MACROH2A1: variants seen among roughly 807,000 people sequenced by gnomAD.
MACROH2A1 encodes the protein core histone macro-H2A.1.
Under a neutral mutation model 31.6 loss-of-function variants are expected in MACROH2A1, and 2 were observed. That is an observed-to-expected ratio of 0.06 (90% confidence interval 0.03 to 0.20). MACROH2A1 has a LOEUF of 0.20. MACROH2A1 is among the 10% of genes least tolerant of loss of function. The pLI, the probability that MACROH2A1 is intolerant of heterozygous loss-of-function variation, is 1.00. For synonymous variants in MACROH2A1, 169 were observed against 189.6 expected (o/e 0.89, Z 0.89); for missense variants, 230 against 474.0 (o/e 0.49, Z 4.78).
Position 135,351,000 on chromosome 5 carries a change from G to A in MACROH2A1, c.688+1946C>T, listed in dbSNP as rs147084474. Reference sequence around the variant, plus strand: ...TTACTAATGCCCCAATGGCAGGGCTGGCCTACCTGGTCGATTCCAACATAT... The same window carrying A: ...TTACTAATGCCCCAATGGCAGGGCTAGCCTACCTGGTCGATTCCAACATAT... On this transcript the variant is annotated intron_variant, in intron 6 of 8. Coordinates refer to ENST00000511689, the MANE Select transcript of MACROH2A1 (RefSeq NM_138610.3). 397 of 874,452 alleles carry A rather than the reference G, an allele frequency of 4.5e-4. 4 individuals carry two copies. The African/African-American group carries it at 5.5e-3, about 12-fold the overall frequency. 54.2% of individuals were successfully genotyped at this position (874,452 alleles called of 1,614,324 possible). A position where few individuals can be genotyped will look rare whatever the true frequency, so the allele number is the denominator to read the frequency against.
At chr5:135,393,926 T>C (rs1041910565) in intron 1 of MACROH2A1, among the ~76,000 whole-genome samples, 2 of 152,202 alleles carry the variant, frequency 1.3e-5, no homozygotes, top group Non-Finnish European at 2.9e-5. Context: ...GATGGAGAGA[T>C]GAGTCAGGCT....
chr5:135,361,089 A>C, intron 4 of MACROH2A1: 1 of 275,134 alleles, frequency 3.6e-6, no homozygotes, highest in South Asian at 3.5e-5. Context: ...TCCTTCCTTA[A>C]AGCCAGTGTT....
At chr5:135,362,125 T>TA (rs1283140058) in intron 4 of MACROH2A1, 1 of 152,250 alleles carries the variant, frequency 6.6e-6, no homozygotes, top group Non-Finnish European at 1.5e-5. Flanking sequence ...AAAGGCTGCA[T>TA]AACAGACTTT....
At chr5:135,355,238 T>A in intron 5 of MACROH2A1, 2 of 456,052 alleles carry the variant, frequency 4.4e-6, no homozygotes, top group South Asian at 3.1e-5. Context: ...AAGGGAGCAG[T>A]TGCGAACAGA....
At chr5:135,341,346 G>T (rs931430855) in intron 8 of MACROH2A1, among the ~76,000 whole-genome samples, 4 of 118,020 alleles carry the variant, frequency 3.4e-5, no homozygotes, top group Non-Finnish European at 6.8e-5. Flanking sequence ...GGCCAGGGAA[G>T]GGGGAGGCAA....
rs554945747 is a variant in MACROH2A1 at position 135,346,081 on chromosome 5, A to G, written c.689-24T>C. The G allele has an allele frequency of 6.0e-6, 9 of 1,497,494 alleles. No homozygotes were observed. The African/African-American group carries it at 1.1e-4, about 18-fold the overall frequency. The allele number at this position is 1,497,494 out of a possible 1,614,324, so 92.8% of individuals were successfully genotyped here. On this transcript the variant is annotated intron_variant, in intron 6 of 8. Transcript: ENST00000511689. ...TCCTAGACAAGGACAGGGTGGGGTC[A>G]GGTTGCCATTCTGTGTCTCCGGCAC...
intron 7 of MACROH2A1, chr5:135,345,684 A>C: frequency 2.7e-6 from 1 of 368,288 alleles, no homozygotes; most frequent in Non-Finnish European, 5.0e-6. Flanking sequence ...CTCAGCTCTT[A>C]GATGTACCAA....
Position 135,353,389 on chromosome 5 carries a change from T to A in MACROH2A1, c.589-344A>T, listed in dbSNP as rs112448654. ...TATCAGGACCTAGAATGAGTACTCA[T>A]TGCTGAGGGTTGGGGGCTGGTGGAT... On this transcript the variant is annotated intron_variant, in intron 5 of 8. Coordinates refer to ENST00000511689, the MANE Select transcript of MACROH2A1 (RefSeq NM_138610.3). 3.4e-5 allele frequency: 9 copies of A among 265,754 alleles called. No homozygotes were observed. In the South Asian group the frequency reaches 4.1e-4, roughly 12 times the overall value. 16.5% of individuals were successfully genotyped at this position (265,754 alleles called of 1,614,324 possible).
At chr5:135,346,128 G>A in intron 6 of MACROH2A1, 71 bp from the exon 7 acceptor site, 2 of 882,758 alleles carry the variant, frequency 2.3e-6, no homozygotes, top group South Asian at 2.6e-5. Context: ...TAGCATGTCA[G>A]GTGATTACAT....
chr5:135,337,976 C>T (rs1581109439), intron 8 of MACROH2A1: 3 of 1,214,992 alleles, frequency 2.5e-6, no homozygotes, highest in African/African-American at 1.6e-5. Context: ...ACTGTGGCTG[C>T]TCTGGACTGC....
At chr5:135,361,317 A>G (rs539073167) in intron 4 of MACROH2A1, 1 of 153,722 alleles carries the variant, frequency 6.5e-6, no homozygotes, top group South Asian at 2.0e-4. Context: ...TTTTCCTACA[A>G]CTGATCTGCC....
intron 8 of MACROH2A1, among the ~76,000 whole-genome samples, chr5:135,339,330 G>T (rs1247706155): frequency 6.6e-6 from 1 of 152,166 alleles, no homozygotes; most frequent in African/African-American, 2.4e-5. Context: ...GTCTGGACAC[G>T]CAGGGACTCT....
At chr5:135,343,467 G>T in intron 7 of MACROH2A1, 33 bp from the exon 8 acceptor site, 1 of 1,609,670 alleles carries the variant, frequency 6.2e-7, no homozygotes. Flanking sequence ...GAAACAGTGA[G>T]CTCTGGTTCA....
intron 4 of MACROH2A1, among the ~76,000 whole-genome samples, chr5:135,364,460 C>A (rs900501366): frequency 5.3e-5 from 8 of 152,052 alleles, no homozygotes; most frequent in African/African-American, 9.7e-5. Flanking sequence ...GAAATGGAAT[C>A]TACTAAGTGG....
At chr5:135,355,754 G>A (rs988658147) in intron 5 of MACROH2A1, 10 of 164,336 alleles carry the variant, frequency 6.1e-5, no homozygotes, top group African/African-American at 1.4e-4. Flanking sequence ...TGAGCATAGC[G>A]TGCAAATGGA....
rs368794021 is a variant in MACROH2A1, at chr5:135,398,583, C to G, written c.-34+479G>C. On this transcript the variant is annotated intron_variant, in intron 1 of 8. Coordinates refer to ENST00000511689, the MANE Select transcript of MACROH2A1 (RefSeq NM_138610.3). This position sits in a 1 kb window ranked among gnomAD's most constrained non-coding sequence, Gnocchi z 4.6. ...ACCTCGGCCCCCCGGGGCTCGGGCC[C>G]GACTTATTGTGCCGGGGCCGGCAAC... is the stretch of plus-strand genomic sequence containing the variant. Among the ~76,000 whole-genome samples, 2 of 152,206 alleles carry G rather than the reference C, an allele frequency of 1.3e-5. No homozygotes were observed. Among genetic ancestry groups the G allele is most frequent in the African/African-American group, 2.4e-5 (1 of 41,470 alleles).
At chr5:135,343,871 T>G in intron 7 of MACROH2A1, 1 of 230,920 alleles carries the variant, frequency 4.3e-6, no homozygotes. Flanking sequence ...ATGATGTATT[T>G]GTCTCTACTA....
intron 1 of MACROH2A1, among the ~76,000 whole-genome samples, chr5:135,391,792 G>A (rs1044112667): frequency 7.9e-5 from 12 of 152,264 alleles, no homozygotes; most frequent in Admixed American, 3.3e-4. Flanking sequence ...CTGCTGAACC[G>A]CCTGCAGAAC....
intron 2 of MACROH2A1, among the ~76,000 whole-genome samples, chr5:135,378,857 C>T (rs1009586642): frequency 8.5e-5 from 13 of 152,156 alleles, no homozygotes; most frequent in Admixed American, 2.6e-4. Context: ...CCCCCGAAGT[C>T]CCTAAAACTA....
Sources: gnomAD v4.1 joint callset for allele counts (sites outside exome capture counted in the v4.1 genomes callset) on GRCh38, gnomAD v4.1.1 for gene constraint, Gnocchi (gnomAD v3.1) non-coding constraint, MANE v1.5 for transcripts, NCBI Gene and HGNC (gene_info 2026-07-23, HGNC 2026-07-21) for gene names.